Variants in PCDHA2 observed in about 807,000 individuals in gnomAD.
PCDHA2 encodes the protein protocadherin alpha-2.
PCDHA2 carries 58 observed loss-of-function variants against 66.0 expected under a neutral mutation model. The observed-to-expected ratio is 0.88, with a 90% CI of 0.71 to 1.09. The LOEUF is 1.09. Ranked by LOEUF, PCDHA2 falls within the 50% of genes least tolerant of loss-of-function variation. The probability of loss-of-function intolerance (pLI) is 0.00; values close to 1 mark genes in which losing one functional copy is unlikely to be tolerated. For missense variants in PCDHA2, 1,267 were observed against 1,242.3 expected (o/e 1.02, Z -0.30); for synonymous variants, 634 against 554.0 (o/e 1.14, Z -2.03).
intron 1 of PCDHA2, among the ~76,000 whole-genome samples, chr5:140,920,362 T>C (rs1167382464): frequency 6.6e-6 from 1 of 152,238 alleles, no homozygotes; most frequent in African/African-American, 2.4e-5. Context: ...GTTCTATTCA[T>C]TTATTCTTGT....
intron 1 of PCDHA2, chr5:140,830,083 G>T (rs141570762): frequency 1.2e-5 from 19 of 1,613,578 alleles, no homozygotes; most frequent in Non-Finnish European, 1.4e-5. Flanking sequence ...CGACGGCCAC[G>T]GTTCTGGTGT....
intron 1 of PCDHA2, chr5:140,853,038 C>T (rs2150527746): frequency 3.8e-6 from 1 of 265,006 alleles, no homozygotes; most frequent in African/African-American, 2.3e-5. Flanking sequence ...GCCACCATGC[C>T]CGCCTAATTT....
intron 1 of PCDHA2, chr5:140,858,297 A>T: frequency 1.3e-6 from 2 of 1,597,406 alleles, no homozygotes; most frequent in Non-Finnish European, 1.7e-6. Context: ...TCTTACTCGC[A>T]GCAGAGGCGG....
rs782421802 is a variant in PCDHA2, at chr5:140,862,804, C to T, written c.2388+65452C>T. The T allele has an allele frequency of 7.0e-6, 4 of 574,030 alleles. No individual in the cohort carries two copies. The African/African-American group carries it at 7.9e-5, about 11-fold the overall frequency. The allele number at this position is 574,030 out of a possible 1,614,324, so 35.6% of individuals were successfully genotyped here. On this transcript the variant is annotated intron_variant, in intron 1 of 3. Coordinates refer to ENST00000526136, the MANE Select transcript of PCDHA2 (RefSeq NM_018905.3). ...ACTGGACTACGAGGAGCTGGAGCTG[C>T]TGCAGTTCTAGGTGAGAGCGCGCGA...
Position 140,968,974 on chromosome 5 carries a change from G to A in PCDHA2, c.2389-9975G>A, listed in dbSNP as rs17119326. 3.9e-3 allele frequency: 6,227 copies of A among 1,614,174 alleles called. 151 individuals carry two copies. The African/African-American group carries it at 0.06, about 16-fold the overall frequency. On this transcript the variant is annotated intron_variant, in intron 1 of 3. Coordinates refer to ENST00000526136, the MANE Select transcript of PCDHA2 (RefSeq NM_018905.3). Reference sequence around the variant, plus strand: ...TCATCAAGTGCTACCGCTACACTGCGTATGGCACTGCATGCTGTGGAGGCT... The same window carrying A: ...TCATCAAGTGCTACCGCTACACTGCATATGGCACTGCATGCTGTGGAGGCT...
intron 1 of PCDHA2, chr5:140,841,278 T>G: frequency 1.3e-6 from 2 of 1,521,566 alleles, no homozygotes; most frequent in South Asian, 1.3e-5. Flanking sequence ...GTCGTTCATC[T>G]TTATATTAAG....
intron 1 of PCDHA2, among the ~76,000 whole-genome samples, chr5:140,891,690 C>T (rs12518591): frequency 0.01 from 1,559 of 152,280 alleles, 92 homozygotes; most frequent in Admixed American, 0.092. Context: ...TCTCTTCTTG[C>T]TGTTGTCTGA....
chr5:140,862,503 A>T (rs2047399158), intron 1 of PCDHA2: 5 of 398,958 alleles, frequency 1.3e-5, no homozygotes, highest in Non-Finnish European at 2.5e-5. Context: ...CGGAATGGGG[A>T]CTCGCTTTCA....
Position 140,850,457 on chromosome 5 carries a change from C to T in PCDHA2, c.2388+53105C>T, listed in dbSNP as rs2041615283. On this transcript the variant is annotated intron_variant, in intron 1 of 3. Transcript: ENST00000526136. ...GCCTACTGGTGCTGGTGAAAGACCA[C>T]GGGGAGCCAGCGCTGACGGCCACGG... is the stretch of plus-strand genomic sequence containing the variant. 8.1e-6 allele frequency: 13 copies of T among 1,597,684 alleles called. 1 individual carries two copies. Among genetic ancestry groups the T allele is most frequent in the Non-Finnish European group, 1.1e-5 (13 of 1,167,628 alleles).
At position 140,799,322 on chromosome 5, in the gene PCDHA2, T is replaced by C. The variant is rs545240940; in HGVS notation, c.2388+1970T>C. 1.4e-4 allele frequency among the ~76,000 whole-genome samples: 21 copies of C among 152,264 alleles called. No homozygotes were observed. The South Asian group carries it at 4.3e-3, about 32-fold the overall frequency. On this transcript the variant is annotated intron_variant, in intron 1 of 3. Coordinates refer to ENST00000526136, the MANE Select transcript of PCDHA2 (RefSeq NM_018905.3). ...CAATTAGTATAACTCTTAAAGGTAC[T>C]GAAAAGTGCAGTATTACAATAAGTT...
chr5:140,795,695 A>C lies in PCDHA2; in HGVS notation c.731A>C (p.Gln244Pro), dbSNP rs782631973. Residue 244 changes from glutamine (Q) to proline (P), a missense_variant, in exon 1 of 4, where the codon CAA (glutamine) becomes CCA (proline). By Grantham distance (76) the Gln-to-Pro change is moderately conservative (BLOSUM62 -1). Coordinates refer to ENST00000526136, the MANE Select transcript of PCDHA2 (RefSeq NM_018905.3). The stretch of plus-strand genomic sequence containing the variant: ...AATGACAATGAACCAACTTTTGCCC[A>C]ATCAGTTTACAAAGTAAAATTGTTA... Reference protein sequence around the residue: ...DVNDNEPTFAQSVYKVKLLEN... With the variant: ...DVNDNEPTFAPSVYKVKLLEN... 12 of 1,614,012 alleles carry C rather than the reference A, an allele frequency of 7.4e-6. No individual in the cohort carries two copies. Among genetic ancestry groups the C allele is most frequent in the Non-Finnish European group, 1.0e-5 (12 of 1,180,014 alleles).
At chr5:141,007,306 T>C (rs1050571899) in intron 3 of PCDHA2, among the ~76,000 whole-genome samples, 8 of 151,500 alleles carry the variant, frequency 5.3e-5, no homozygotes, top group Admixed American at 3.3e-4. Context: ...ATCTTAGCAT[T>C]TTGGGAGGCT....
intron 1 of PCDHA2, among the ~76,000 whole-genome samples, chr5:140,900,300 A>G (rs1554189024): frequency 6.6e-6 from 1 of 151,644 alleles, no homozygotes; most frequent in Non-Finnish European, 1.5e-5. Flanking sequence ...GTTTTTTTAG[A>G]CAGTCTCACT....
At chr5:140,903,690 T>C (rs2070508211) in intron 1 of PCDHA2, among the ~76,000 whole-genome samples, 1 of 152,224 alleles carries the variant, frequency 6.6e-6, no homozygotes, top group African/African-American at 2.4e-5. Context: ...TGGTAAATAG[T>C]TTAAAATAGT....
chr5:140,911,502 G>A (rs911736161), intron 1 of PCDHA2, among the ~76,000 whole-genome samples: 4 of 152,104 alleles, frequency 2.6e-5, no homozygotes, highest in Admixed American at 1.3e-4. Flanking sequence ...CAGGTTTGAG[G>A]TTCAGTATCT....
At chr5:140,867,525 TA>T (rs2050008799) in intron 1 of PCDHA2, 4 of 152,102 alleles carry the variant, frequency 2.6e-5, no homozygotes, top group Admixed American at 2.6e-4. Context: ...AATAGTTGAA[TA>T]TATATATAAA....
chr5:141,009,563 C>A, intron 3 of PCDHA2, 64 bp from the exon 4 acceptor site: 1 of 1,571,920 alleles, frequency 6.4e-7, no homozygotes, highest in Non-Finnish European at 8.6e-7. Flanking sequence ...TGTACTCTAC[C>A]AGCAGTGTGG....
chr5:140,914,473 G>A (rs1162580496), intron 1 of PCDHA2, among the ~76,000 whole-genome samples: 1 of 152,116 alleles, frequency 6.6e-6, no homozygotes, highest in Admixed American at 6.6e-5. Flanking sequence ...TATCTTCATA[G>A]GTGAAGTGTT....
chr5:140,852,859 C>T, intron 1 of PCDHA2: 1 of 960,834 alleles, frequency 1.0e-6, no homozygotes. Context: ...TAAGCATTTA[C>T]TATGTCATCA....
Sources: gnomAD v4.1 joint callset for allele counts (sites outside exome capture counted in the v4.1 genomes callset) on GRCh38, gnomAD v4.1.1 for gene constraint, MANE v1.5 for transcripts, NCBI Gene and HGNC (gene_info 2026-07-23, HGNC 2026-07-21) for gene names.